Variants in EPB41L2 observed in about 807,000 individuals in gnomAD.
EPB41L2 encodes band 4.1-like protein 2.
In EPB41L2, 43 loss-of-function variants were observed where a neutral mutation model predicts 113.0. The ratio of observed to expected loss-of-function variants is 0.38; its 90% CI spans 0.30 to 0.49. The LOEUF is 0.49. Ranked by LOEUF, EPB41L2 falls within the 20% of genes least tolerant of loss-of-function variation. The pLI is 0.95. For synonymous variants in EPB41L2, 442 were observed against 436.7 expected (o/e 1.01, Z -0.15); for missense variants, 1,147 against 1,223.4 (o/e 0.94, Z 0.93).
At chr6:131,040,807 T>C (rs1421037154) in intron 1 of EPB41L2, among the ~76,000 whole-genome samples, 1 of 152,138 alleles carries the variant, frequency 6.6e-6, no homozygotes, top group Non-Finnish European at 1.5e-5. Context: ...TTACCAAAAA[T>C]GTTTGTTCTG....
intron 1 of EPB41L2, among the ~76,000 whole-genome samples, chr6:131,049,673 A>T (rs966857780): frequency 1.3e-5 from 2 of 152,232 alleles, no homozygotes; most frequent in Non-Finnish European, 2.9e-5. Flanking sequence ...CTTTTCAAAT[A>T]CTTGTGGAGG....
intron 3 of EPB41L2, among the ~76,000 whole-genome samples, chr6:130,949,616 G>A (rs964299328): frequency 6.6e-6 from 1 of 151,412 alleles, no homozygotes; most frequent in Non-Finnish European, 1.5e-5. Flanking sequence ...GGAGGGGAGG[G>A]GAGGAGAGTG....
chr6:131,043,209 C>A (rs1976981), intron 1 of EPB41L2, among the ~76,000 whole-genome samples: 40,133 of 151,858 alleles, frequency 0.26, 5,546 homozygotes, highest in East Asian at 0.43. Context: ...GCTGAGGCAG[C>A]AGAATCGCTT....
At chr6:130,873,890 T>A (rs1477233967) in intron 14 of EPB41L2, among the ~76,000 whole-genome samples, 1 of 152,098 alleles carries the variant, frequency 6.6e-6, no homozygotes, top group Non-Finnish European at 1.5e-5. Flanking sequence ...GCACTTGCAA[T>A]ATTCAGCAGA....
At chr6:131,033,975 A>T (rs139897897) in intron 1 of EPB41L2, among the ~76,000 whole-genome samples, 1 of 152,182 alleles carries the variant, frequency 6.6e-6, no homozygotes, top group African/African-American at 2.4e-5. Context: ...ATATATCTTT[A>T]TATGTATTTT....
intron 1 of EPB41L2, among the ~76,000 whole-genome samples, chr6:130,974,049 TTACTCTCC>T (rs1310841731): frequency 6.6e-6 from 1 of 152,156 alleles, no homozygotes; most frequent in African/African-American, 2.4e-5. Flanking sequence ...TCTTACTCTC[TTACTCTCC>T]TACTGCTATA....
At chr6:131,046,224 T>C (rs748386573) in intron 1 of EPB41L2, among the ~76,000 whole-genome samples, 25 of 151,988 alleles carry the variant, frequency 1.6e-4, no homozygotes, top group Admixed American at 3.9e-4. Context: ...CCTGGCTCTT[T>C]CCTTCTTAAA....
intron 1 of EPB41L2, among the ~76,000 whole-genome samples, chr6:131,062,885 G>C (rs1237641517): frequency 6.6e-6 from 1 of 152,000 alleles, no homozygotes; most frequent in Non-Finnish European, 1.5e-5. Flanking sequence ...GCCGGGATCC[G>C]GCCCGGAGCA....
At chr6:130,995,127 G>C (rs1189635287) in intron 1 of EPB41L2, among the ~76,000 whole-genome samples, 1 of 150,306 alleles carries the variant, frequency 6.7e-6, no homozygotes, top group Admixed American at 6.6e-5. Context: ...ACGAGGTCAG[G>C]AGATCAAGAC....
At chr6:130,941,029 ACTTTT>A (rs1810697540) in intron 3 of EPB41L2, among the ~76,000 whole-genome samples, 1 of 152,212 alleles carries the variant, frequency 6.6e-6, no homozygotes, top group Non-Finnish European at 1.5e-5. Flanking sequence ...GATACTTCAT[ACTTTT>A]CTTTTTATCT....
At chr6:130,907,924 A>G (rs1798201248) in intron 5 of EPB41L2, among the ~76,000 whole-genome samples, 1 of 152,168 alleles carries the variant, frequency 6.6e-6, no homozygotes, top group South Asian at 2.1e-4. Flanking sequence ...CTCCTGGGAC[A>G]ACTCTGGGCT....
intron 14 of EPB41L2, among the ~76,000 whole-genome samples, chr6:130,876,213 G>A (rs73775330): frequency 0.015 from 2,290 of 152,220 alleles, 42 homozygotes; most frequent in South Asian, 0.039. Flanking sequence ...GAGGTGAGGG[G>A]CTGCTATGGT....
At chr6:130,949,501 G>A (rs981167819) in intron 3 of EPB41L2, among the ~76,000 whole-genome samples, 2 of 152,016 alleles carry the variant, frequency 1.3e-5, no homozygotes, top group Non-Finnish European at 2.9e-5. Context: ...TATTCTGGAG[G>A]CTGAGGCAAG....
intron 1 of EPB41L2, among the ~76,000 whole-genome samples, chr6:131,034,040 TGA>T (rs1792792633): frequency 6.6e-6 from 1 of 152,220 alleles, no homozygotes; most frequent in Admixed American, 6.5e-5. Context: ...AACAATTACT[TGA>T]AGACATAAGC....
chr6:130,872,251 C>T, intron 14 of EPB41L2: 3 of 733,408 alleles, frequency 4.1e-6, no homozygotes, highest in South Asian at 5.7e-5. Flanking sequence ...AATGTTTCTC[C>T]CAGGAAGAAT....
chr6:130,910,644 T>C (rs1365835034), intron 4 of EPB41L2, among the ~76,000 whole-genome samples: 1 of 152,180 alleles, frequency 6.6e-6, no homozygotes, highest in African/African-American at 2.4e-5. Flanking sequence ...AAAGGGCTAA[T>C]ATCCAGAATC....
intron 3 of EPB41L2, among the ~76,000 whole-genome samples, chr6:130,936,854 A>T (rs1808988608): frequency 6.6e-6 from 1 of 152,226 alleles, no homozygotes; most frequent in African/African-American, 2.4e-5. Context: ...GACCTCCTAC[A>T]GTCTTAACGT....
intron 1 of EPB41L2, chr6:131,062,308 T>A (rs1798827470): frequency 1.3e-5 from 2 of 151,940 alleles, no homozygotes; most frequent in South Asian, 4.1e-4. Flanking sequence ...CGCCTGGGGA[T>A]GGCGTCCCCA....
Position 131,055,852 on chromosome 6 carries a change from A to AT in EPB41L2, c.-15+7302dup, listed in dbSNP as rs921977195. Reference sequence around the variant, plus strand: ...GTGCTGCAAAACCATTAGCTTCCTTATTTTTTTTTTACATGGTTATTGATT... The same window carrying AT: ...GTGCTGCAAAACCATTAGCTTCCTTATTTTTTTTTTTACATGGTTATTGATT... On this transcript the variant is annotated intron_variant, in intron 1 of 19. Transcript: ENST00000337057. Among the ~76,000 whole-genome samples the AT allele has an allele frequency of 8.6e-3, 1,287 of 150,184 alleles. 30 individuals carry two copies. Among genetic ancestry groups the AT allele is most frequent in the African/African-American group, 0.03 (1,221 of 40,990 alleles).
Sources: gnomAD v4.1 joint callset for allele counts (sites outside exome capture counted in the v4.1 genomes callset) on GRCh38, gnomAD v4.1.1 for gene constraint, MANE v1.5 for transcripts, NCBI Gene and HGNC (gene_info 2026-07-23, HGNC 2026-07-21) for gene names.